The following BICC1 variants were observed in gnomAD, a reference collection of about 807,000 sequenced individuals.
BICC1 encodes protein bicaudal C homolog 1.
Under a neutral mutation model 111.0 loss-of-function variants are expected in BICC1, and 43 were observed. The ratio of observed to expected loss-of-function variants is 0.39; its 90% CI spans 0.30 to 0.50. The LOEUF (loss-of-function observed/expected upper bound fraction) is 0.50. BICC1 is among the 20% of genes least tolerant of loss of function. The pLI, the probability that BICC1 is intolerant of heterozygous loss-of-function variation, is 0.88. For missense variants in BICC1, 1,091 were observed against 1,203.2 expected, an observed-to-expected ratio of 0.91 and a Z score of 1.38; for synonymous variants, 467 against 434.4, an observed-to-expected ratio of 1.07 and a Z score of -0.93.
chr10:58,765,159 T>C (rs1842422872), intron 3 of BICC1, among the ~76,000 whole-genome samples: 1 of 152,194 alleles, frequency 6.6e-6, no homozygotes, highest in African/African-American at 2.4e-5. Context: ...CTCTGCTCAC[T>C]GCAACCTCCG....
intron 1 of BICC1, among the ~76,000 whole-genome samples, chr10:58,556,753 G>GC (rs1440904746): frequency 3.0e-4 from 45 of 152,000 alleles, no homozygotes; most frequent in Non-Finnish European, 5.9e-5. Flanking sequence ...AAAGGTAATG[G>GC]CCTAGGCATC....
intron 2 of BICC1, among the ~76,000 whole-genome samples, chr10:58,683,073 A>C (rs1172231190): frequency 1.3e-5 from 2 of 152,202 alleles, no homozygotes; most frequent in South Asian, 4.1e-4. Context: ...GGTGTAAGGA[A>C]GGGATCCAGT....
intron 1 of BICC1, among the ~76,000 whole-genome samples, chr10:58,575,801 G>A (rs1455100667): frequency 1.3e-5 from 2 of 152,134 alleles, no homozygotes; most frequent in East Asian, 1.9e-4. Context: ...ACCATAAATT[G>A]TATTTACCTT....
At chr10:58,640,890 A>G (rs887302726) in intron 2 of BICC1, among the ~76,000 whole-genome samples, 1 of 152,240 alleles carries the variant, frequency 6.6e-6, no homozygotes, top group Non-Finnish European at 1.5e-5. Context: ...TTTGAGGGAC[A>G]GCTAAATTTT....
intron 1 of BICC1, among the ~76,000 whole-genome samples, chr10:58,580,112 C>T (rs531276012): frequency 6.6e-6 from 1 of 151,968 alleles, no homozygotes; most frequent in African/African-American, 2.4e-5. Context: ...GCAACCTTCA[C>T]CTCCTGGCTT....
intron 1 of BICC1, among the ~76,000 whole-genome samples, chr10:58,615,716 GGA>G (rs1845580722): frequency 6.6e-6 from 1 of 152,130 alleles, no homozygotes; most frequent in Admixed American, 6.5e-5. Context: ...AGGATACTGA[GGA>G]GAGAGAGCCT....
chr10:58,658,590 G>T (rs547274048), intron 2 of BICC1, among the ~76,000 whole-genome samples: 1 of 152,054 alleles, frequency 6.6e-6, no homozygotes, highest in South Asian at 2.1e-4. Context: ...AATAAAGAGC[G>T]CTCTTTTATT....
In BICC1 at chr10:58,715,865, A is replaced by G; in HGVS notation, c.307+13722A>G. 10 of 1,205,616 alleles carry G rather than the reference A, an allele frequency of 8.3e-6. No homozygotes were observed. The South Asian group carries it at 1.0e-4, about 13-fold the overall frequency. The allele number at this position is 1,205,616 out of a possible 1,614,324, so 74.7% of individuals were successfully genotyped here. A position where few individuals can be genotyped will look rare whatever the true frequency, so the allele number is the denominator to read the frequency against. On this transcript the variant is annotated intron_variant, in intron 3 of 20. Transcript: ENST00000373886. ...AAAGAAAAGAAGAAATCTGATAGGT[A>G]TTCATCTTCTTCATCAAGCTCTGAT... is the stretch of plus-strand genomic sequence containing the variant.
intron 2 of BICC1, among the ~76,000 whole-genome samples, chr10:58,629,787 G>A (rs1484536245): frequency 2.6e-5 from 4 of 152,004 alleles, no homozygotes; most frequent in Non-Finnish European, 4.4e-5. Context: ...AATGATCTTT[G>A]GCTTGATGTA....
chr10:58,762,752 TTATTATGAGATGGAAGTTAA>T (rs1842351659), intron 3 of BICC1, among the ~76,000 whole-genome samples: 1 of 152,166 alleles, frequency 6.6e-6, no homozygotes, highest in Admixed American at 6.5e-5. Context: ...ACATCAGTTT[TTATTATGAGATGGAAGTTAA>T]TAGTCATTGA....
intron 2 of BICC1, among the ~76,000 whole-genome samples, chr10:58,698,459 C>T (rs78796906): frequency 0.057 from 8,600 of 152,150 alleles, 348 homozygotes; most frequent in Middle Eastern, 0.085. Flanking sequence ...CTTTAGGTCA[C>T]GGCATTAGTA....
chr10:58,598,572 A>G (rs1844912676), intron 1 of BICC1, among the ~76,000 whole-genome samples: 1 of 152,196 alleles, frequency 6.6e-6, no homozygotes, highest in South Asian at 2.1e-4. Context: ...AAACCTGGGC[A>G]ATACCATTCA....
At chr10:58,516,355 G>A (rs1842241319) in intron 1 of BICC1, among the ~76,000 whole-genome samples, 1 of 152,256 alleles carries the variant, frequency 6.6e-6, no homozygotes, top group South Asian at 2.1e-4. Context: ...CAAAAATTCA[G>A]TGAGGTTAAT....
In BICC1 at chr10:58,656,934, G is replaced by A. The variant is rs150709737; in HGVS notation, c.237+36033G>A. Among the ~76,000 whole-genome samples, 215 of 152,188 alleles carry A rather than the reference G, an allele frequency of 1.4e-3. 1 individual carries two copies. Among genetic ancestry groups the A allele is most frequent in the African/African-American group, 4.8e-3 (201 of 41,536 alleles). ...TTGACAATGTCTCCATGACTTAGAA[G>A]GTCACACACTGGTTGGACATCTATT... On this transcript the variant is annotated intron_variant, in intron 2 of 20. Transcript: ENST00000373886.
At chr10:58,754,760 A>ATGTGTG (rs149325160) in intron 3 of BICC1, among the ~76,000 whole-genome samples, 4,684 of 148,826 alleles carry the variant, frequency 0.031, 132 homozygotes, top group African/African-American at 0.072. Flanking sequence ...GGGGGTGTGT[A>ATGTGTG]TGTGTGTGTG....
At chr10:58,676,731 A>AC (rs950870905) in intron 2 of BICC1, among the ~76,000 whole-genome samples, 4 of 151,418 alleles carry the variant, frequency 2.6e-5, no homozygotes, top group Non-Finnish European at 4.4e-5. Flanking sequence ...TGGGTCTCTG[A>AC]CCCCCCCGTG....
intron 1 of BICC1, among the ~76,000 whole-genome samples, chr10:58,549,876 C>T (rs367625239): frequency 6.6e-6 from 1 of 151,510 alleles, no homozygotes; most frequent in South Asian, 2.1e-4. Context: ...TTAGTAGAGA[C>T]GGGTTTTTAC....
intron 1 of BICC1, among the ~76,000 whole-genome samples, chr10:58,523,776 A>G (rs900979757): frequency 3.9e-5 from 6 of 152,170 alleles, no homozygotes; most frequent in African/African-American, 1.2e-4. Flanking sequence ...CCCTGTTTGC[A>G]GATGACATGA....
intron 1 of BICC1, among the ~76,000 whole-genome samples, chr10:58,568,943 T>C (rs1215556121): frequency 6.6e-6 from 1 of 152,202 alleles, no homozygotes; most frequent in Non-Finnish European, 1.5e-5. Flanking sequence ...GCTCAGGCTT[T>C]CCCTCCTTTA....
Sources: allele counts gnomAD v4.1 joint callset (sites outside exome capture counted in the v4.1 genomes callset), GRCh38; gene constraint gnomAD v4.1.1; transcripts MANE v1.5; gene names NCBI Gene and HGNC (gene_info 2026-07-23, HGNC 2026-07-21).